The following GLIS3 variants were observed in gnomAD, a reference collection of about 807,000 sequenced individuals.
GLIS3 encodes the protein zinc finger protein GLIS3.
GLIS3 carries 53 observed loss-of-function variants against 78.6 expected under a neutral mutation model. The ratio of observed to expected loss-of-function variants is 0.67; its 90% confidence interval spans 0.54 to 0.85. GLIS3 has a LOEUF of 0.85. GLIS3 is among the 40% of genes least tolerant of loss of function. GLIS3 has a pLI of 0.00. For missense variants in GLIS3, 1,703 were observed against 1,231.1 expected, an observed-to-expected ratio of 1.38 and a Z score of -5.74; for synonymous variants, 684 against 509.9, an observed-to-expected ratio of 1.34 and a Z score of -4.60.
chr9:4,013,807 T>C (rs995176424), intron 4 of GLIS3, among the ~76,000 whole-genome samples: 4 of 152,132 alleles, frequency 2.6e-5, no homozygotes, highest in Admixed American at 6.5e-5. Context: ...AGGTAGGAGA[T>C]AAAATCTGGA....
chr9:4,110,513 C>T (rs902973921), intron 4 of GLIS3, among the ~76,000 whole-genome samples: 4 of 152,160 alleles, frequency 2.6e-5, no homozygotes, highest in Admixed American at 6.5e-5. Context: ...AATACTGTGC[C>T]GTGAAATAAA....
the GLIS3 span, among the ~76,000 whole-genome samples, chr9:4,375,781 G>C: frequency 2.0e-4 from 30 of 152,200 alleles, no homozygotes; most frequent in African/African-American, 7.2e-4. Context: ...GAAAGTTTTA[G>C]AACCTTCTAA....
chr9:3,940,597 G>T (rs1163943052), intron 4 of GLIS3, among the ~76,000 whole-genome samples: 1 of 152,136 alleles, frequency 6.6e-6, no homozygotes, highest in African/African-American at 2.4e-5. Context: ...GCCAGAGTTT[G>T]CCCGAGGTTC....
At chr9:4,327,892 T>C (rs576359235) in intron 2 of GLIS3, among the ~76,000 whole-genome samples, 1 of 152,320 alleles carries the variant, frequency 6.6e-6, no homozygotes, top group South Asian at 2.1e-4. Flanking sequence ...GAATCAAGTT[T>C]CTCAGTTGAG....
At chr9:3,837,123 C>G (rs1014490957) in intron 9 of GLIS3, among the ~76,000 whole-genome samples, 1 of 152,174 alleles carries the variant, frequency 6.6e-6, no homozygotes, top group African/African-American at 2.4e-5. Context: ...CCATTGTAAC[C>G]AAAGGCACTG....
At position 4,118,333 on chromosome 9, in the gene GLIS3, G is replaced by C. The variant is rs937756052; in HGVS notation, c.1145C>G (p.Pro382Arg). Reference protein sequence around the residue: ...VLVAPGGLALPAYGEDGALEH... With the variant: ...VLVAPGGLALRAYGEDGALEH... Reference sequence around the variant, plus strand: ...CAGGGCCCCGTCCTCGCCGTAGGCCGGCAGCGCCAGGCCTCCAGGGGCCAC... The same window carrying C: ...CAGGGCCCCGTCCTCGCCGTAGGCCCGCAGCGCCAGGCCTCCAGGGGCCAC... Residue 382 changes from proline to arginine, a missense_variant, in exon 4 of 11, where the codon CCG (proline) becomes CGG (arginine). By Grantham distance (103) the Pro-to-Arg change is moderately radical (BLOSUM62 -2). Coordinates refer to ENST00000381971, the MANE Select transcript of GLIS3 (RefSeq NM_001042413.2). This position sits in a 1 kb window ranked among gnomAD's most constrained non-coding sequence, Gnocchi z 4.7. 1 of 1,575,134 alleles carries C rather than the reference G, an allele frequency of 6.3e-7. No individual in the cohort carries two copies. Among genetic ancestry groups the C allele is most frequent in the Non-Finnish European group, 8.6e-7 (1 of 1,164,040 alleles).
the GLIS3 span, among the ~76,000 whole-genome samples, chr9:4,354,437 C>T: frequency 6.6e-6 from 1 of 152,134 alleles, no homozygotes; most frequent in Non-Finnish European, 1.5e-5. Context: ...TATTTCTTTT[C>T]TTTTGCTATA....
the GLIS3 span, among the ~76,000 whole-genome samples, chr9:4,487,568 G>A: frequency 6.6e-6 from 1 of 151,910 alleles, no homozygotes; most frequent in African/African-American, 2.4e-5. Context: ...AACCCAGAAA[G>A]TTGTGATGTA....
intron 2 of GLIS3, among the ~76,000 whole-genome samples, chr9:4,283,269 G>GTT (rs60941880): frequency 1.5e-5 from 2 of 134,934 alleles, no homozygotes; most frequent in East Asian, 2.1e-4. Flanking sequence ...TTGTTTTTTT[G>GTT]TTTTTTTTTT....
intron 4 of GLIS3, among the ~76,000 whole-genome samples, chr9:4,005,597 G>T (rs1008518811): frequency 1.3e-5 from 2 of 152,262 alleles, no homozygotes; most frequent in South Asian, 4.2e-4. Context: ...CTACTGCATA[G>T]GTTTGTTGAA....
At chr9:4,463,881 C>T in the GLIS3 span, among the ~76,000 whole-genome samples, 1 of 151,996 alleles carries the variant, frequency 6.6e-6, no homozygotes, top group African/African-American at 2.4e-5. Context: ...GTCATTTGTA[C>T]GTGTGGTATA....
At chr9:4,453,099 G>T in the GLIS3 span, among the ~76,000 whole-genome samples, 2 of 152,046 alleles carry the variant, frequency 1.3e-5, no homozygotes, top group African/African-American at 4.8e-5. Context: ...TAGGAAAACT[G>T]ACTAGCCATA....
chr9:4,401,828 G>C, the GLIS3 span, among the ~76,000 whole-genome samples: 1 of 152,058 alleles, frequency 6.6e-6, no homozygotes, highest in East Asian at 1.9e-4. Flanking sequence ...TGGGCTTTAA[G>C]TGAGCATTGG....
rs1383616850 is a variant in GLIS3, at chr9:3,824,390, CA to C, written c.*3881del. On this transcript the variant is annotated 3_prime_UTR_variant, in exon 11 of 11. Coordinates refer to ENST00000381971, the MANE Select transcript of GLIS3 (RefSeq NM_001042413.2). ...GTAAGAGGCTGATGGTAAAACAAAA[CA>C]AAAAAACAAACAAACAAACAATGAT... 2 of 152,356 alleles carry C rather than the reference CA, an allele frequency of 1.3e-5. No homozygotes were observed. Among genetic ancestry groups the C allele is most frequent in the Non-Finnish European group, 2.9e-5 (2 of 67,952 alleles). 9.4% of individuals were successfully genotyped at this position (152,356 alleles called of 1,614,324 possible).
chr9:4,300,541 G>T (rs1031430060), upstream of GLIS3, among the ~76,000 whole-genome samples: 1 of 152,126 alleles, frequency 6.6e-6, no homozygotes, highest in African/African-American at 2.4e-5. Flanking sequence ...GAAGGCTTTG[G>T]CATCCTTTCC....
intron 4 of GLIS3, among the ~76,000 whole-genome samples, chr9:4,117,541 C>A (rs973344652): frequency 2.0e-5 from 3 of 152,144 alleles, no homozygotes; most frequent in Admixed American, 1.3e-4. Flanking sequence ...GCAGACTGAT[C>A]ACCTGCTGGG....
intron 2 of GLIS3, among the ~76,000 whole-genome samples, chr9:4,163,253 C>T (rs1835639582): frequency 2.2e-5 from 1 of 45,666 alleles, no homozygotes; most frequent in Non-Finnish European, 6.9e-5. Flanking sequence ...GGCACACACA[C>T]ACACACACAC....
chr9:3,958,905 G>A (rs889050671), intron 4 of GLIS3, among the ~76,000 whole-genome samples: 1 of 152,234 alleles, frequency 6.6e-6, no homozygotes, highest in African/African-American at 2.4e-5. Context: ...GAAGCCATAA[G>A]AGAATAGCAA....
At chr9:4,173,710 C>T (rs1156426926) in intron 2 of GLIS3, among the ~76,000 whole-genome samples, 2 of 152,082 alleles carry the variant, frequency 1.3e-5, no homozygotes, top group Non-Finnish European at 2.9e-5. Context: ...GATCCTCCCA[C>T]CACAGCCTCC....
Sources: gnomAD v4.1 joint callset for allele counts (sites outside exome capture counted in the v4.1 genomes callset) on GRCh38, gnomAD v4.1.1 for gene constraint, Gnocchi (gnomAD v3.1) non-coding constraint, MANE v1.5 for transcripts, NCBI Gene and HGNC (gene_info 2026-07-23, HGNC 2026-07-21) for gene names.